SLC9B2: variants seen among roughly 807,000 people sequenced by gnomAD.
The protein encoded by SLC9B2 is solute carrier family 9 member B2.
In SLC9B2, 39 loss-of-function variants were observed where a neutral mutation model predicts 52.2. The observed-to-expected ratio is 0.75, with a 90% CI of 0.58 to 0.98. The LOEUF is 0.98. Ranked by LOEUF, SLC9B2 falls within the 50% of genes least tolerant of loss-of-function variation. The pLI, the probability that SLC9B2 is intolerant of heterozygous loss-of-function variation, is 0.00. For missense variants in SLC9B2, 626 were observed against 637.5 expected (o/e 0.98, Z 0.19); for synonymous variants, 214 against 227.0 (o/e 0.94, Z 0.51).
At chr4:103,044,847 T>C in intron 8 of SLC9B2, 43 bp downstream of exon 8, 2 of 1,444,248 alleles carry the variant, frequency 1.4e-6, no homozygotes, top group Non-Finnish European at 1.9e-6. Flanking sequence ...GTTTTCCCAA[T>C]GATATTTCAG....
At chr4:103,073,938 G>A (rs1746893022) in intron 1 of SLC9B2, among the ~76,000 whole-genome samples, 1 of 152,184 alleles carries the variant, frequency 6.6e-6, no homozygotes, top group African/African-American at 2.4e-5. Flanking sequence ...GTCATTATTG[G>A]TGTAAATCAA....
In SLC9B2 at chr4:103,025,217, T is replaced by G. The variant is rs1025049952; in HGVS notation, c.*1153A>C. On this transcript the variant is annotated 3_prime_UTR_variant, in exon 12 of 12. Coordinates refer to ENST00000394785, the MANE Select transcript of SLC9B2 (RefSeq NM_178833.7). The stretch of plus-strand genomic sequence containing the variant: ...CTATACTTGCATTTTCCTTGAGAGA[T>G]AGAATGGAGATATGGTAGAGATCCA... Among the ~76,000 whole-genome samples the G allele has an allele frequency of 3.9e-5, 6 of 152,188 alleles. No homozygotes were observed. The highest frequency in any genetic ancestry group is 1.4e-4 in the African/African-American group (6 of 41,448).
At chr4:103,019,418 G>A (rs925342252), downstream of SLC9B2, among the ~76,000 whole-genome samples, 1 of 152,210 alleles carries the variant, frequency 6.6e-6, no homozygotes, top group Non-Finnish European at 1.5e-5. Context: ...AAGGAGTCAC[G>A]GAGAGGAGAG....
At position 103,031,461 on chromosome 4, in the gene SLC9B2, T is replaced by C. The variant is rs149646884; in HGVS notation, c.1255+239A>G. Among the ~76,000 whole-genome samples, 3 of 152,282 alleles carry C rather than the reference T, an allele frequency of 2.0e-5. No individual in the cohort carries two copies. The East Asian group carries it at 5.8e-4, about 29-fold the overall frequency. On this transcript the variant is annotated intron_variant, in intron 10 of 11. Transcript: ENST00000394785. ...AGTGGTCAGCAGTGTCACTTTCATA[T>C]ACAAGGAACAATATTAAATGTGTAA...
intron 9 of SLC9B2, among the ~76,000 whole-genome samples, chr4:103,037,799 C>T (rs1315988111): frequency 1.3e-5 from 2 of 152,056 alleles, no homozygotes; most frequent in African/African-American, 2.4e-5. Flanking sequence ...TAACATCCTT[C>T]CACATATCTT....
At chr4:103,062,933 A>T (rs1224229822) in intron 3 of SLC9B2, among the ~76,000 whole-genome samples, 2 of 152,206 alleles carry the variant, frequency 1.3e-5, no homozygotes, top group African/African-American at 4.8e-5. Flanking sequence ...GAATACTGAT[A>T]TATACTGCAT....
Position 103,044,917 on chromosome 4 carries a change from G to A in SLC9B2, c.969C>T (p.Phe323=), listed in dbSNP as rs1377255633. 1.2e-5 allele frequency: 19 copies of A among 1,613,544 alleles called. No individual in the cohort carries two copies. Among genetic ancestry groups the A allele is most frequent in the Non-Finnish European group, 1.4e-5 (17 of 1,179,786 alleles). The change falls in exon 8 of 12, where the codon TTC becomes TTT. Residue 323 remains phenylalanine, a synonymous_variant. Transcript: ENST00000394785. ...GGTCACGGCTTGGAAAGTACTGAAT[G>A]AAAAATCCAAGAACAGATCCAGTTG... ...GVATGSVLGF[F]IQYFPSRDQD...
At chr4:103,070,128 G>A (rs1746484629) in intron 1 of SLC9B2, among the ~76,000 whole-genome samples, 1 of 152,204 alleles carries the variant, frequency 6.6e-6, no homozygotes. Flanking sequence ...AGCCCAGTAA[G>A]AGATCTTACA....
In SLC9B2 at chr4:103,047,043, T is replaced by A. The variant is rs756564726; in HGVS notation, c.889+8A>T. The A allele has an allele frequency of 1.6e-5, 26 of 1,613,484 alleles. No homozygotes were observed. Among genetic ancestry groups the A allele is most frequent in the Non-Finnish European group, 2.0e-5 (24 of 1,179,672 alleles). Reference sequence around the variant, plus strand: ...AGAGTAAAGCCTGTTGTGAACTGATTAGGTTACCTGTGGAAAAGGCTATGC... The same window carrying A: ...AGAGTAAAGCCTGTTGTGAACTGATAAGGTTACCTGTGGAAAAGGCTATGC... On this transcript the variant is annotated splice_region_variant and intron_variant, in intron 7 of 11. Transcript: ENST00000394785.
chr4:103,067,357 G>A, intron 2 of SLC9B2, 104 bp downstream of exon 2: 3 of 975,518 alleles, frequency 3.1e-6, no homozygotes, highest in South Asian at 1.4e-5. Context: ...TGGGAAAACT[G>A]GTAGTCACAC....
chr4:103,037,080 TA>T (rs34864914), intron 9 of SLC9B2, among the ~76,000 whole-genome samples: 3,034 of 152,304 alleles, frequency 0.02, 121 homozygotes, highest in African/African-American at 0.07. Flanking sequence ...CTGATGTGTC[TA>T]CATGGTCCCT....
rs79935833 is a variant in SLC9B2 at position 103,029,260 on chromosome 4, T to G, written c.1256-377A>C. Among the ~76,000 whole-genome samples the G allele has an allele frequency of 9.2e-3, 1,406 of 152,216 alleles. 21 individuals carry two copies. Among genetic ancestry groups the G allele is most frequent in the African/African-American group, 0.032 (1,345 of 41,544 alleles). ...CTTTAAACTAAGTACTGTGTACACA[T>G]AAATGTACAATGTATAGACTTTGCC... On this transcript the variant is annotated intron_variant, in intron 10 of 11. Coordinates refer to ENST00000394785, the MANE Select transcript of SLC9B2 (RefSeq NM_178833.7).
intron 9 of SLC9B2, among the ~76,000 whole-genome samples, chr4:103,037,586 A>C (rs1241440591): frequency 2.0e-5 from 3 of 152,208 alleles, no homozygotes; most frequent in African/African-American, 7.2e-5. Context: ...TGGTTGATTT[A>C]TTTAATAGTT....
chr4:103,021,405 T>C (rs1412272989), downstream of SLC9B2, among the ~76,000 whole-genome samples: 2 of 152,168 alleles, frequency 1.3e-5, no homozygotes, highest in Non-Finnish European at 2.9e-5. Flanking sequence ...ACATAAATGA[T>C]TCATATAAAA....
chr4:103,048,740 T>G, intron 6 of SLC9B2, 153 bp downstream of exon 6: 5 of 960,924 alleles, frequency 5.2e-6, no homozygotes, highest in Non-Finnish European at 7.4e-6. Context: ...ATAAACTATG[T>G]TTTGAAGTTA....
At chr4:103,021,621 C>T (rs1245268121), downstream of SLC9B2, among the ~76,000 whole-genome samples, 1 of 152,104 alleles carries the variant, frequency 6.6e-6, no homozygotes, top group African/African-American at 2.4e-5. Context: ...TAACTGAGAG[C>T]AATTTTTTAA....
chr4:103,022,907 C>T lies in SLC9B2; in HGVS notation c.*3463G>A, dbSNP rs752799638. On this transcript the variant is annotated 3_prime_UTR_variant, in exon 12 of 12. Transcript: ENST00000394785. ...ACCAGAGAGCTTGCTTGCTCTCTCT[C>T]GGCATCAAGTGATGACACATGAGTG... 2.0e-5 allele frequency among the ~76,000 whole-genome samples: 3 copies of T among 152,152 alleles called. No individual in the cohort carries two copies. The highest frequency in any genetic ancestry group is 1.9e-4 in the East Asian group (1 of 5,194).
chr4:103,052,919 A>C (rs1391229160), intron 4 of SLC9B2, among the ~76,000 whole-genome samples: 1 of 152,004 alleles, frequency 6.6e-6, no homozygotes, highest in Non-Finnish European at 1.5e-5. Context: ...TTCCTTTGCT[A>C]GTGGTCTGGT....
At chr4:103,043,663 T>C (rs1743842170) in intron 8 of SLC9B2, among the ~76,000 whole-genome samples, 1 of 152,178 alleles carries the variant, frequency 6.6e-6, no homozygotes, top group Non-Finnish European at 1.5e-5. Flanking sequence ...ACACCAATTC[T>C]CTCCTCTACA....
Sources: allele counts gnomAD v4.1 joint callset (sites outside exome capture counted in the v4.1 genomes callset), GRCh38; gene constraint gnomAD v4.1.1; transcripts MANE v1.5; gene names NCBI Gene and HGNC (gene_info 2026-07-23, HGNC 2026-07-21).